Variants in BMPR2 observed in about 807,000 individuals in gnomAD.
The protein encoded by BMPR2 is bone morphogenetic protein receptor type 2, also known as bone morphogenetic protein receptor type-2.
Under a neutral mutation model 100.8 loss-of-function variants are expected in BMPR2, and 29 were observed. The observed-to-expected ratio is 0.29, with a 90% CI of 0.21 to 0.39. The LOEUF (loss-of-function observed/expected upper bound fraction) is 0.39. BMPR2 is among the 10% of genes least tolerant of loss of function. The pLI is 1.00. For synonymous variants in BMPR2, 382 were observed against 442.3 expected (o/e 0.86, Z 1.71); for missense variants, 1,011 against 1,274.5 (o/e 0.79, Z 3.15).
In BMPR2 at chr2:202,503,080, T is replaced by G. The variant is rs13389188; in HGVS notation, c.419-10639T>G. Among the ~76,000 whole-genome samples, 1,249 of 152,252 alleles carry G rather than the reference T, an allele frequency of 8.2e-3. 13 individuals are homozygous for G. The highest frequency in any genetic ancestry group is 0.027 in the African/African-American group (1,115 of 41,542). On this transcript the variant is annotated intron_variant, in intron 3 of 12. Transcript: ENST00000374580. This position sits in a 1 kb window ranked among gnomAD's most constrained non-coding sequence, Gnocchi z 4.0. ...CTGGCACTTCCCCTGGCCTAGAGAG[T>G]TCCCCTCTGAAGGACACTACAACTG...
chr2:202,503,545 C>T lies in BMPR2; in HGVS notation c.419-10174C>T, dbSNP rs948508849. Among the ~76,000 whole-genome samples the T allele has an allele frequency of 6.6e-6, 1 of 152,222 alleles. No individual in the cohort carries two copies. Among genetic ancestry groups the T allele is most frequent in the African/African-American group, 2.4e-5 (1 of 41,462 alleles). ...AGCTGCGGAGGGTGTACTGGGTCCC[C>T]CAGCAGTGCCAGCCCACCGGCGCTG... On this transcript the variant is annotated intron_variant, in intron 3 of 12. Coordinates refer to ENST00000374580, the MANE Select transcript of BMPR2 (RefSeq NM_001204.7). The surrounding 1 kb of genome is among the most constrained non-coding windows in gnomAD (Gnocchi z 4.0).
chr2:202,414,281 T>C (rs1691078284), intron 1 of BMPR2, among the ~76,000 whole-genome samples: 1 of 152,220 alleles, frequency 6.6e-6, no homozygotes, highest in African/African-American at 2.4e-5. Context: ...CCATATAAAA[T>C]GGCAAACTTA....
At chr2:202,384,765 G>C (rs1272446818) in intron 1 of BMPR2, among the ~76,000 whole-genome samples, 1 of 151,666 alleles carries the variant, frequency 6.6e-6, no homozygotes, top group Admixed American at 6.6e-5. Context: ...AGCTAATTTT[G>C]TATTTGTAGT....
At chr2:202,460,709 A>C (rs1692208864) in intron 1 of BMPR2, among the ~76,000 whole-genome samples, 1 of 152,134 alleles carries the variant, frequency 6.6e-6, no homozygotes, top group Admixed American at 6.6e-5. Flanking sequence ...TCCATAATAT[A>C]ATATGGATCC....
chr2:202,468,692 A>G (rs1397072251), intron 3 of BMPR2, among the ~76,000 whole-genome samples: 1 of 152,228 alleles, frequency 6.6e-6, no homozygotes, highest in Non-Finnish European at 1.5e-5. Flanking sequence ...ATAGGAGATT[A>G]GTTGAAATAT....
intron 1 of BMPR2, among the ~76,000 whole-genome samples, chr2:202,386,921 G>A (rs1026677833): frequency 1.3e-5 from 2 of 152,110 alleles, no homozygotes; most frequent in Non-Finnish European, 2.9e-5. Context: ...CTGACCTCGT[G>A]ATCTGCCCAC....
At chr2:202,457,566 A>G (rs927150369) in intron 1 of BMPR2, among the ~76,000 whole-genome samples, 16 of 56,386 alleles carry the variant, frequency 2.8e-4, no homozygotes. Context: ...ATATATAGAG[A>G]GAGAGAGAGA....
intron 12 of BMPR2, among the ~76,000 whole-genome samples, chr2:202,557,063 G>T (rs188066415): frequency 2.2e-4 from 33 of 152,136 alleles, no homozygotes; most frequent in African/African-American, 7.7e-4. Context: ...AGGCGTGGTG[G>T]CTCATGCCTA....
chr2:202,538,561 G>A (rs1688207590), intron 9 of BMPR2, among the ~76,000 whole-genome samples: 1 of 152,120 alleles, frequency 6.6e-6, no homozygotes, highest in Non-Finnish European at 1.5e-5. Context: ...GGAGGCCAAG[G>A]CTAGTGGATC....
intron 1 of BMPR2, among the ~76,000 whole-genome samples, chr2:202,450,561 C>T (rs1485865217): frequency 6.6e-6 from 1 of 151,774 alleles, no homozygotes; most frequent in Non-Finnish European, 1.5e-5. Context: ...CATGGTGGCG[C>T]ATGCCTATAA....
intron 1 of BMPR2, among the ~76,000 whole-genome samples, chr2:202,383,502 G>A (rs562670377): frequency 6.6e-6 from 1 of 152,274 alleles, no homozygotes; most frequent in East Asian, 1.9e-4. Flanking sequence ...CCAACGTGGT[G>A]AAACCCTGTC....
At chr2:202,391,996 G>A (rs975935752) in intron 1 of BMPR2, among the ~76,000 whole-genome samples, 3 of 151,634 alleles carry the variant, frequency 2.0e-5, no homozygotes, top group African/African-American at 7.3e-5. Flanking sequence ...TCTTGACCTC[G>A]TGATCTGCCC....
intron 3 of BMPR2, among the ~76,000 whole-genome samples, chr2:202,507,795 G>T (rs1687552291): frequency 6.6e-6 from 1 of 151,552 alleles, no homozygotes; most frequent in Non-Finnish European, 1.5e-5. Context: ...TGCCTCCCGG[G>T]TTCAAGCGAT....
At chr2:202,517,615 G>T (rs1687737586) in intron 5 of BMPR2, among the ~76,000 whole-genome samples, 1 of 151,754 alleles carries the variant, frequency 6.6e-6, no homozygotes, top group African/African-American at 2.4e-5. Flanking sequence ...CTCCCAAAGT[G>T]CTGGGATTAC....
chr2:202,404,605 C>A (rs974382831), intron 1 of BMPR2, among the ~76,000 whole-genome samples: 8 of 152,126 alleles, frequency 5.3e-5, no homozygotes, highest in African/African-American at 1.7e-4. Context: ...ATTGGTGATA[C>A]AGCAATAAAC....
chr2:202,427,756 T>C (rs1185524880), intron 1 of BMPR2, among the ~76,000 whole-genome samples: 1 of 152,124 alleles, frequency 6.6e-6, no homozygotes, highest in Non-Finnish European at 1.5e-5. Context: ...GGTGGGTGGA[T>C]TGCTTGAGCT....
intron 11 of BMPR2, among the ~76,000 whole-genome samples, chr2:202,554,753 G>A (rs1688533377): frequency 6.6e-6 from 1 of 152,140 alleles, no homozygotes; most frequent in Non-Finnish European, 1.5e-5. Flanking sequence ...GCCTCTTAAT[G>A]GAGGCCTTTG....
At position 202,542,398 on chromosome 2, in the gene BMPR2, G is replaced by C. The variant is rs1200922020; in HGVS notation, c.1364G>C (p.Arg455Thr). The part of the protein sequence containing the change: ...TFEDMQVLVS[R>T]EKQRPKFPEA... ...GAGGATATGCAGGTTCTCGTGTCTA[G>C]GGAAAAACAGAGACCCAAGTTCCCA... The change falls in exon 10 of 13, where the codon AGG becomes ACG. Residue 455 changes from arginine (R) to threonine (T), a missense_variant. Transcript: ENST00000374580. 1.2e-6 allele frequency: 2 copies of C among 1,614,008 alleles called. No homozygotes were observed. Among genetic ancestry groups the C allele is most frequent in the Admixed American group, 1.7e-5 (1 of 60,002 alleles).
intron 1 of BMPR2, among the ~76,000 whole-genome samples, chr2:202,450,606 G>A (rs187818145): frequency 6.1e-5 from 9 of 148,000 alleles, no homozygotes; most frequent in South Asian, 4.3e-4. Flanking sequence ...CAGGAGAATC[G>A]TTTGAACCTG....
Sources: allele counts gnomAD v4.1 joint callset (sites outside exome capture counted in the v4.1 genomes callset), GRCh38; gene constraint gnomAD v4.1.1; non-coding constraint Gnocchi (gnomAD v3.1); transcripts MANE v1.5; gene names NCBI Gene and HGNC (gene_info 2026-07-23, HGNC 2026-07-21).